GAK: variants seen among roughly 807,000 people sequenced by gnomAD.
GAK encodes cyclin G associated kinase.
GAK carries 79 observed loss-of-function variants against 143.9 expected under a neutral mutation model. The ratio of observed to expected loss-of-function variants is 0.55; its 90% confidence interval spans 0.46 to 0.66. GAK has a LOEUF of 0.66. Among genes scored for constraint, GAK ranks in the 30% least tolerant of loss-of-function variants. The pLI is 0.00. For synonymous variants in GAK, 881 were observed against 765.5 expected, an observed-to-expected ratio of 1.15 and a Z score of -2.49; for missense variants, 1,693 against 1,779.7, an observed-to-expected ratio of 0.95 and a Z score of 0.88.
chr4:907,617 C>T (rs187913225), intron 4 of GAK, among the ~76,000 whole-genome samples: 1 of 152,332 alleles, frequency 6.6e-6, no homozygotes, highest in Non-Finnish European at 1.5e-5. Flanking sequence ...AGTGGGGAAC[C>T]GGTATGTGGC....
At chr4:869,711 G>GCA in intron 19 of GAK, 1 of 136,486 alleles carries the variant, frequency 7.3e-6, no homozygotes, top group Admixed American at 7.6e-5. Flanking sequence ...TGCACACACA[G>GCA]CACACACAGA....
intron 9 of GAK, among the ~76,000 whole-genome samples, chr4:891,690 G>A (rs538714244): frequency 5.9e-4 from 90 of 152,230 alleles, no homozygotes; most frequent in Non-Finnish European, 6.2e-4. Flanking sequence ...CAGCGCACTC[G>A]ACAAAGCAAG....
intron 24 of GAK, chr4:853,387 A>ACGGTAGCT (rs1414991728): frequency 1.3e-5 from 2 of 152,272 alleles, no homozygotes; most frequent in African/African-American, 4.8e-5. Context: ...TAAATGTCCC[A>ACGGTAGCT]CGGTAGCTCA....
At chr4:888,127 G>A (rs558509255) in intron 11 of GAK, 13 of 152,392 alleles carry the variant, frequency 8.5e-5, no homozygotes, top group African/African-American at 3.1e-4. Flanking sequence ...TGGAAGGAAC[G>A]TGGGCCCACC....
At position 877,221 on chromosome 4, in the gene GAK, G is replaced by A. The variant is rs755184775; in HGVS notation, c.1857-14C>T. 1.3e-6 allele frequency: 2 copies of A among 1,582,180 alleles called. No individual in the cohort carries two copies. Among genetic ancestry groups the A allele is most frequent in the South Asian group, 1.1e-5 (1 of 90,172 alleles). On this transcript the variant is annotated splice_polypyrimidine_tract_variant and intron_variant, in intron 16 of 27. Transcript: ENST00000314167. ...ATCTTAAAGTCCCTAAGGACAGAAT[G>A]ACAAGAGAAAAATTTTAAAAACCCC...
At chr4:921,579 T>A (rs921479793) in intron 1 of GAK, among the ~76,000 whole-genome samples, 2 of 151,878 alleles carry the variant, frequency 1.3e-5, no homozygotes, top group African/African-American at 2.4e-5. Flanking sequence ...ATCTTCAAGA[T>A]AAAGAGCTAA....
intron 23 of GAK, among the ~76,000 whole-genome samples, chr4:861,130 T>C (rs1577060838): frequency 6.6e-6 from 1 of 152,080 alleles, no homozygotes; most frequent in Admixed American, 6.6e-5. Context: ...ACTCCCCGTC[T>C]CGCTCCTTCT....
At chr4:864,452 T>C (rs559928927) in intron 23 of GAK, among the ~76,000 whole-genome samples, 3 of 152,102 alleles carry the variant, frequency 2.0e-5, no homozygotes, top group African/African-American at 4.8e-5. Flanking sequence ...TTTCTAGGGG[T>C]GTTCGCTTTG....
chr4:849,642 A>G lies in GAK; in HGVS notation c.*31T>C. On this transcript the variant is annotated 3_prime_UTR_variant, in exon 28 of 28. Transcript: ENST00000314167. Reference sequence around the variant, plus strand: ...TCCCACGACGGCTCCCAACCTGTGGAGCTGTGTGCGCAGCCACCACCACTG... The same window carrying G: ...TCCCACGACGGCTCCCAACCTGTGGGGCTGTGTGCGCAGCCACCACCACTG... 6.5e-7 allele frequency: 1 copy of G among 1,548,594 alleles called. No homozygotes were observed. The highest frequency in any genetic ancestry group is 8.9e-7 in the Non-Finnish European group (1 of 1,126,040).
At chr4:868,706 C>A in intron 19 of GAK, 21 bp from the exon 20 acceptor site, 1 of 1,545,414 alleles carries the variant, frequency 6.5e-7, no homozygotes, top group South Asian at 1.2e-5. Flanking sequence ...GGGAGGGCGT[C>A]AGGGCACTGG....
chr4:898,928 TAC>T (rs1320289410), intron 5 of GAK, among the ~76,000 whole-genome samples: 2 of 151,550 alleles, frequency 1.3e-5, no homozygotes, highest in Non-Finnish European at 2.9e-5. Flanking sequence ...AAGCCCACAT[TAC>T]ACCTTCTGGC....
chr4:882,924 G>T, intron 13 of GAK, 105 bp from the exon 14 acceptor site: 1 of 1,455,512 alleles, frequency 6.9e-7, no homozygotes, highest in Non-Finnish European at 9.3e-7. Context: ...TCCGCCAGCT[G>T]GTGTCATGAA....
In GAK at chr4:851,849, G is replaced by C. The variant is rs753861522; in HGVS notation, c.3409C>G (p.Pro1137Ala). The change falls in exon 25 of 28, where the codon CCG becomes GCG. Residue 1137 changes from proline (P) to alanine (A), a missense_variant. Physicochemically the swap from Pro to Ala is conservative, Grantham distance 27. Transcript: ENST00000314167. ...GGCTGTGTGCAGGCTTTGGGGGGCG[G>C]CTTGGCCTGAGGGGGCCATGAGGCG... The part of the protein sequence containing the change: ...QGASWPPQAK[P>A]PPKACTQPRP... The C allele has an allele frequency of 2.4e-5, 39 of 1,608,528 alleles. No homozygotes were observed. Among genetic ancestry groups the C allele is most frequent in the South Asian group, 7.7e-5 (7 of 90,566 alleles).
At chr4:929,673 C>A (rs1266018956) in intron 1 of GAK, among the ~76,000 whole-genome samples, 1 of 142,586 alleles carries the variant, frequency 7.0e-6, no homozygotes, top group African/African-American at 2.6e-5. Context: ...ACAGCAAGAC[C>A]TCGTCTCTTA....
chr4:864,157 T>C (rs993420601), intron 23 of GAK, among the ~76,000 whole-genome samples: 1 of 152,148 alleles, frequency 6.6e-6, no homozygotes, highest in Non-Finnish European at 1.5e-5. Flanking sequence ...CCGGGAGTTC[T>C]AGACCAGCCT....
chr4:905,358 T>C (rs1243630854), intron 4 of GAK, among the ~76,000 whole-genome samples: 2 of 152,186 alleles, frequency 1.3e-5, no homozygotes, highest in African/African-American at 4.8e-5. Context: ...CAGTCACGAC[T>C]CTCTACGGTT....
intron 8 of GAK, 101 bp downstream of exon 8, chr4:893,773 G>C (rs975327350): frequency 7.3e-7 from 1 of 1,366,860 alleles, no homozygotes; most frequent in South Asian, 1.5e-5. Flanking sequence ...GGCGGGAGTG[G>C]GGCCAGGTGA....
At position 866,463 on chromosome 4, in the gene GAK, C is replaced by T. The variant is rs754601148; in HGVS notation, c.2944G>A (p.Gly982Ser). 19 of 1,613,944 alleles carry T rather than the reference C, an allele frequency of 1.2e-5. No homozygotes were observed. Among genetic ancestry groups the T allele is most frequent in the Admixed American group, 8.3e-5 (5 of 60,002 alleles). ...ACAGAGTCCGAATTGAGAAATTCGC[C>T]GAAGAGATCAGGATTGGAGCAGGGC... Reference protein sequence around the residue: ...SQPCSNPDLFGEFLNSDSVTV... With the variant: ...SQPCSNPDLFSEFLNSDSVTV... Residue 982 changes from glycine to serine, a missense_variant, in exon 22 of 28, where the codon GGC (glycine) becomes AGC (serine). By Grantham distance (56) the Gly-to-Ser change is moderately conservative. Coordinates refer to ENST00000314167, the MANE Select transcript of GAK (RefSeq NM_005255.4).
intron 1 of GAK, among the ~76,000 whole-genome samples, chr4:923,032 A>G (rs1724146471): frequency 6.6e-6 from 1 of 152,160 alleles, no homozygotes; most frequent in Admixed American, 6.5e-5. Context: ...GCATCCTTCG[A>G]ATGACAAAAT....
Sources: gnomAD v4.1 joint callset for allele counts (sites outside exome capture counted in the v4.1 genomes callset) on GRCh38, gnomAD v4.1.1 for gene constraint, MANE v1.5 for transcripts, NCBI Gene and HGNC (gene_info 2026-07-23, HGNC 2026-07-21) for gene names.